Variants in PSIP1 observed in about 807,000 individuals in gnomAD.
PSIP1 encodes PC4 and SRSF1 interacting protein 1, also known as PC4 and SFRS1-interacting protein.
Under a neutral mutation model 74.7 loss-of-function variants are expected in PSIP1, and 19 were observed. That is an observed-to-expected ratio of 0.25 (90% CI 0.18 to 0.37). The LOEUF is 0.37. Among genes scored for constraint, PSIP1 ranks in the 10% least tolerant of loss-of-function variants. The pLI is 1.00. For missense variants in PSIP1, 601 were observed against 614.3 expected (o/e 0.98, Z 0.23); for synonymous variants, 222 against 195.3 (o/e 1.14, Z -1.14).
intron 10 of PSIP1, among the ~76,000 whole-genome samples, chr9:15,470,363 TG>T (rs2035771197): frequency 6.6e-6 from 1 of 152,146 alleles, no homozygotes; most frequent in African/African-American, 2.4e-5. Flanking sequence ...TTAATCATTG[TG>T]CATGTAACAA....
intron 3 of PSIP1, among the ~76,000 whole-genome samples, chr9:15,497,325 CTTTT>C (rs767922897): frequency 8.4e-5 from 10 of 118,578 alleles, no homozygotes; most frequent in African/African-American, 2.0e-4. Context: ...TCTATGATTC[CTTTT>C]TTTTTTTTTT....
At chr9:15,472,058 G>C (rs2795125) in intron 10 of PSIP1, 47,002 of 975,302 alleles carry the variant, frequency 0.048, 1,461 homozygotes, top group African/African-American at 0.14. Flanking sequence ...TAAGGGGAAA[G>C]AAATTCCCCA....
chr9:15,470,567 G>C (rs1250404777), intron 10 of PSIP1: 6 of 921,970 alleles, frequency 6.5e-6, no homozygotes, highest in Non-Finnish European at 7.8e-6. Flanking sequence ...CTAGTACCTT[G>C]GCTTAGAGTT....
chr9:15,492,257 C>T (rs1177584051), intron 3 of PSIP1: 1 of 152,216 alleles, frequency 6.6e-6, no homozygotes. Flanking sequence ...AAGTTACTTC[C>T]TAGATACAAT....
chr9:15,503,238 G>A (rs574313016), intron 3 of PSIP1, among the ~76,000 whole-genome samples: 33 of 152,044 alleles, frequency 2.2e-4, no homozygotes, highest in African/African-American at 6.5e-4. Context: ...GTGGTGGCGG[G>A]TGCCTGTAAT....
chr9:15,466,990 A>G, intron 14 of PSIP1, 131 bp from the exon 15 acceptor site: 5 of 685,226 alleles, frequency 7.3e-6, no homozygotes, highest in Non-Finnish European at 1.2e-5. Context: ...TTTTATTTGA[A>G]ATTACATTGT....
At chr9:15,492,202 G>A (rs1379561719) in intron 3 of PSIP1, 1 of 152,236 alleles carries the variant, frequency 6.6e-6, no homozygotes, top group South Asian at 2.1e-4. Context: ...TCTGAGGCAA[G>A]GCAAGTCTCT....
intron 10 of PSIP1, chr9:15,471,802 T>C: frequency 1.1e-6 from 1 of 949,922 alleles, no homozygotes; most frequent in South Asian, 4.8e-5. Context: ...ATTGTTTTAC[T>C]GCTCATCATT....
chr9:15,501,840 C>CATATATAT (rs112671758), intron 3 of PSIP1, among the ~76,000 whole-genome samples: 1,577 of 124,438 alleles, frequency 0.013, 32 homozygotes, highest in Middle Eastern at 0.04. Flanking sequence ...TATAAAACAG[C>CATATATAT]ATATATATAT....
In PSIP1 at chr9:15,466,773, T is replaced by C; in HGVS notation, c.1507A>G (p.Asn503Asp). ...NGESNEDSKD[N>D]HEASTKKKPS... Reference sequence around the variant, plus strand: ...TTTTTCTTCGTGCTGGCTTCATGGTTGTCTTTGCTGTCTTCATTGCTCTCC... The same window carrying C: ...TTTTTCTTCGTGCTGGCTTCATGGTCGTCTTTGCTGTCTTCATTGCTCTCC... Residue 503 changes from asparagine to aspartate, a missense_variant, in exon 15 of 16, where the codon AAC (asparagine) becomes GAC (aspartate). Asn to Asp is a conservative substitution (Grantham distance 23, BLOSUM62 1). This residue lies in a region of PSIP1 where 538 missense variants were observed against 507.6 expected (regional missense o/e 1.06). Coordinates refer to ENST00000380733, the MANE Select transcript of PSIP1 (RefSeq NM_033222.5). 6.2e-7 allele frequency: 1 copy of C among 1,612,360 alleles called. No homozygotes were observed.
At chr9:15,478,744 A>G (rs1273138565) in intron 7 of PSIP1, among the ~76,000 whole-genome samples, 192 bp from the exon 8 acceptor site, 2 of 152,180 alleles carry the variant, frequency 1.3e-5, no homozygotes, top group African/African-American at 2.4e-5. Flanking sequence ...AAAAATTTAT[A>G]AAGAGGTAAA....
At chr9:15,465,623 TCCTGATG>T in intron 15 of PSIP1, 43 bp from the exon 16 acceptor site, 1 of 1,469,298 alleles carries the variant, frequency 6.8e-7, no homozygotes. Flanking sequence ...TAGGATTTTC[TCCTGATG>T]AAGGAAAAAA....
At chr9:15,501,590 G>A (rs921765211) in intron 3 of PSIP1, among the ~76,000 whole-genome samples, 2 of 151,986 alleles carry the variant, frequency 1.3e-5, no homozygotes, top group African/African-American at 4.8e-5. Flanking sequence ...GGCTGGAGAG[G>A]TAAGCATGGG....
intron 15 of PSIP1, among the ~76,000 whole-genome samples, chr9:15,466,184 G>A (rs1398221155): frequency 6.6e-6 from 1 of 152,162 alleles, no homozygotes; most frequent in Non-Finnish European, 1.5e-5. Flanking sequence ...TCGAGGCCGG[G>A]CTGGCCAACA....
At chr9:15,485,980 CA>C in intron 6 of PSIP1, 25 bp downstream of exon 6, 1 of 1,566,316 alleles carries the variant, frequency 6.4e-7, no homozygotes, top group Non-Finnish European at 8.8e-7. Flanking sequence ...TTCAGATCCC[CA>C]TGGTTGGTAA....
chr9:15,488,778 C>G, intron 4 of PSIP1, among the ~76,000 whole-genome samples: 1 of 151,812 alleles, frequency 6.6e-6, no homozygotes, highest in East Asian at 1.9e-4. Context: ...TCCCAACACT[C>G]TGGGGGGCCG....
At chr9:15,509,372 T>C (rs2037744198) in intron 2 of PSIP1, among the ~76,000 whole-genome samples, 2 of 152,188 alleles carry the variant, frequency 1.3e-5, no homozygotes, top group African/African-American at 4.8e-5. Flanking sequence ...AGCGTAGATC[T>C]TTAAACAGTC....
At position 15,471,413 on chromosome 9, in the gene PSIP1, TA is replaced by T. The variant is rs2035824377; in HGVS notation, c.977+1218del. 1.1e-5 allele frequency: 16 copies of T among 1,479,626 alleles called. No individual in the cohort carries two copies. In the South Asian group the frequency reaches 2.1e-4, roughly 19 times the overall value. The allele number at this position is 1,479,626 out of a possible 1,614,324, so 91.7% of individuals were successfully genotyped here. A position where few individuals can be genotyped will look rare whatever the true frequency, so the allele number is the denominator to read the frequency against. ...GGAGGACATTCAAAAGAAACTGAAA[TA>T]CATAAAGATAACTTTAAGATACTAA... On this transcript the variant is annotated intron_variant, in intron 10 of 15. Transcript: ENST00000380733.
intron 6 of PSIP1, among the ~76,000 whole-genome samples, chr9:15,483,742 C>T (rs2036436203): frequency 2.0e-5 from 3 of 152,128 alleles, no homozygotes; most frequent in Non-Finnish European, 2.9e-5. Flanking sequence ...AAAAAAATGA[C>T]GCATTCTTTG....
Sources: allele counts gnomAD v4.1 joint callset (sites outside exome capture counted in the v4.1 genomes callset), GRCh38; gene constraint gnomAD v4.1.1; regional missense constraint gnomAD v4.1.1; transcripts MANE v1.5; gene names NCBI Gene and HGNC (gene_info 2026-07-23, HGNC 2026-07-21).